The following ABCD4 variants were observed in gnomAD, a reference collection of about 807,000 sequenced individuals.
The protein encoded by ABCD4 is ATP binding cassette subfamily D member 4, also known as lysosomal cobalamin transporter ABCD4.
A neutral mutation model predicts 86.3 loss-of-function variants in ABCD4; 53 were observed. The ratio of observed to expected loss-of-function variants is 0.61; its 90% confidence interval spans 0.49 to 0.77. The LOEUF is 0.77. ABCD4 is among the 30% of genes least tolerant of loss of function. The pLI, the probability that ABCD4 is intolerant of heterozygous loss-of-function variation, is 0.00. For synonymous variants in ABCD4, 328 were observed against 313.6 expected, an observed-to-expected ratio of 1.05 and a Z score of -0.49; for missense variants, 757 against 764.5, an observed-to-expected ratio of 0.99 and a Z score of 0.12.
Position 74,285,568 on chromosome 14 carries a change from A to C in ABCD4, c.*893T>G, listed in dbSNP as rs181479225. On this transcript the variant is annotated 3_prime_UTR_variant, in exon 19 of 19. Transcript: ENST00000356924. ...GAAGTACAGAAGCCTGGCAAAAATT[A>C]TGAAGGTAAGGAAGGTAATACATAG... The C allele has an allele frequency of 1.3e-4, 20 of 152,358 alleles. No homozygotes were observed. Among genetic ancestry groups the C allele is most frequent in the African/African-American group, 4.6e-4 (19 of 41,588 alleles). 9.4% of individuals were successfully genotyped at this position (152,358 alleles called of 1,614,324 possible).
chr14:74,299,493 A>C, intron 3 of ABCD4, 55 bp downstream of exon 3: 1 of 1,601,368 alleles, frequency 6.2e-7, no homozygotes, highest in Non-Finnish European at 8.5e-7. Flanking sequence ...ACTAGGCATT[A>C]CGGTCACACT....
intron 1 of ABCD4, among the ~76,000 whole-genome samples, chr14:74,301,387 T>C (rs1181578581): frequency 6.6e-6 from 1 of 152,096 alleles, no homozygotes; most frequent in Non-Finnish European, 1.5e-5. Flanking sequence ...CTTGAACTCC[T>C]GGACTCCAGT....
chr14:74,296,208 T>C, intron 5 of ABCD4, 125 bp downstream of exon 5: 1 of 1,129,914 alleles, frequency 8.9e-7, no homozygotes, highest in Non-Finnish European at 1.3e-6. Context: ...GCACGTGGGA[T>C]GGGTGAGCAC....
rs770164744 is a variant in ABCD4, at chr14:74,297,938, G to A, written c.417C>T (p.Ile139=). 19 of 1,613,140 alleles carry A rather than the reference G, an allele frequency of 1.2e-5. No homozygotes were observed. Among genetic ancestry groups the A allele is most frequent in the South Asian group, 2.2e-5 (2 of 90,998 alleles). The change falls in exon 4 of 19, where the codon ATC becomes ATT. Residue 139 remains isoleucine (I), a synonymous_variant. Coordinates refer to ENST00000356924, the MANE Select transcript of ABCD4 (RefSeq NM_005050.4). ...YYTLNVLRDD[I]DNPDQRISQD... is the part of the protein sequence containing the mutation. Reference sequence around the variant, plus strand: ...TGAGTTGGGGCGCCTACGGGTTATCGATGTCATCCCGCAGCACGTTGAGGG... The same window carrying A: ...TGAGTTGGGGCGCCTACGGGTTATCAATGTCATCCCGCAGCACGTTGAGGG...
intron 14 of ABCD4, 102 bp from the exon 15 acceptor site, chr14:74,288,867 A>G: frequency 2.1e-6 from 3 of 1,415,142 alleles, no homozygotes; most frequent in African/African-American, 1.4e-5. Flanking sequence ...TAATCCCAAC[A>G]CTTTGGGAGG....
chr14:74,286,923 A>G, intron 17 of ABCD4, 107 bp from the exon 18 acceptor site: 1 of 1,049,046 alleles, frequency 9.5e-7, no homozygotes, highest in Non-Finnish European at 1.4e-6. Context: ...GGAGGCTGAA[A>G]GCTGCTCTGG....
intron 3 of ABCD4, 99 bp downstream of exon 3, chr14:74,299,448 AC>A (rs2083734982): frequency 6.8e-7 from 1 of 1,470,564 alleles, no homozygotes; most frequent in East Asian, 2.3e-5. Flanking sequence ...ACACACCCCC[AC>A]AGCTTGCTTC....
At chr14:74,300,338 C>A in intron 1 of ABCD4, 70 bp from the exon 2 acceptor site, 1 of 1,004,206 alleles carries the variant, frequency 1.0e-6, no homozygotes, top group Non-Finnish European at 1.6e-6. Flanking sequence ...AGTTATTAAG[C>A]TCATCCACAT....
Position 74,293,499 on chromosome 14 carries a change from G to A in ABCD4, c.720-251C>T, listed in dbSNP as rs74637421. On this transcript the variant is annotated intron_variant, in intron 7 of 18. Coordinates refer to ENST00000356924, the MANE Select transcript of ABCD4 (RefSeq NM_005050.4). ...CTGGCTCTGGCCAGTTACTAGCTGC[G>A]TGACACAGGCAGGCTACTTAAGCCT... 1,656 of 388,362 alleles carry A rather than the reference G, an allele frequency of 4.3e-3. 26 individuals carry two copies. The highest frequency in any genetic ancestry group is 0.031 in the African/African-American group (1,500 of 48,868). The allele number at this position is 388,362 out of a possible 1,614,324, so 24.1% of individuals were successfully genotyped here. A position where few individuals can be genotyped will look rare whatever the true frequency, so the allele number is the denominator to read the frequency against.
chr14:74,286,369 A>G lies in ABCD4; in HGVS notation c.*92T>C, dbSNP rs1374598337. The G allele has an allele frequency of 7.1e-7, 1 of 1,415,790 alleles. No homozygotes were observed. The allele number at this position is 1,415,790 out of a possible 1,614,324, so 87.7% of individuals were successfully genotyped here. A position where few individuals can be genotyped will look rare whatever the true frequency, so the allele number is the denominator to read the frequency against. ...CTCCTGCACGGGATCTATGTGGCGA[A>G]CCTGAGCTCGATCTTCGCTGTCAGT... On this transcript the variant is annotated 3_prime_UTR_variant, in exon 19 of 19. Transcript: ENST00000356924.
Position 74,292,880 on chromosome 14 carries a change from C to T in ABCD4, c.815-11G>A, listed in dbSNP as rs747743062. ...AGGTGTTGATGCCGACTGTAGAAAA[C>T]ACATCTGTGAGACACCCAGGAACCA... On this transcript the variant is annotated splice_polypyrimidine_tract_variant and intron_variant, in intron 8 of 18. Transcript: ENST00000356924. 5.6e-6 allele frequency: 9 copies of T among 1,614,132 alleles called. No individual in the cohort carries two copies. The highest frequency in any genetic ancestry group is 7.6e-6 in the Non-Finnish European group (9 of 1,180,018).
Position 74,292,629 on chromosome 14 carries a change from C to T in ABCD4, c.950G>A (p.Cys317Tyr). 2 of 1,613,920 alleles carry T rather than the reference C, an allele frequency of 1.2e-6. No homozygotes were observed. ...STLVSKNAFV[C>Y]IYLISCFTQL... ...GGTGAAGCAGCTGATGAGGTAGATG[C>T]ACACAAAGGCATTCTGGACAGGATG... Residue 317 changes from cysteine (C) to tyrosine (Y), a missense_variant, in exon 10 of 19, where the codon TGC (cysteine) becomes TAC (tyrosine). Transcript: ENST00000356924.
chr14:74,290,696 T>TC (rs2139842295), intron 11 of ABCD4, among the ~76,000 whole-genome samples, 197 bp from the exon 12 acceptor site: 1 of 148,784 alleles, frequency 6.7e-6, no homozygotes, highest in African/African-American at 2.5e-5. Flanking sequence ...TTTTTTTTTT[T>TC]TTTTTTTTGA....
intron 17 of ABCD4, among the ~76,000 whole-genome samples, chr14:74,287,463 A>T (rs1231243058): frequency 1.3e-5 from 2 of 149,150 alleles, no homozygotes; most frequent in Non-Finnish European, 1.5e-5. Flanking sequence ...CTGAGGTGGG[A>T]GGATCACTTA....
Position 74,290,464 on chromosome 14 carries a change from G to C in ABCD4, c.1154C>G (p.Thr385Arg). ...PGWPAAEPAD[T>R]AFLLERVSIS... ...GGAGACCCGCTCAAGGAGAAATGCT[G>C]TGTCTGCTGGCTCTGCCGCTGGCCA... The change falls in exon 12 of 19, where the codon ACA becomes AGA. Residue 385 changes from threonine (T) to arginine (R), a missense_variant. By Grantham distance (71) the Thr-to-Arg change is moderately conservative (BLOSUM62 -1). Transcript: ENST00000356924. 2 of 1,613,990 alleles carry C rather than the reference G, an allele frequency of 1.2e-6. No homozygotes were observed. The highest frequency in any genetic ancestry group is 1.7e-6 in the Non-Finnish European group (2 of 1,180,032).
chr14:74,287,531 G>A (rs1372301110), intron 17 of ABCD4, among the ~76,000 whole-genome samples: 2 of 114,970 alleles, frequency 1.7e-5, no homozygotes, highest in Non-Finnish European at 3.9e-5. Context: ...CCCAGCCTGG[G>A]TGACAGAGTG....
rs1300951382 is a variant in ABCD4, at chr14:74,295,931, C to A, written c.591G>T (p.Gly197=). Residue 197 remains glycine, a synonymous_variant, in exon 6 of 19, where the codon GGG becomes GGT. Transcript: ENST00000356924. ...CCATCAAAGTTTTGTTCACCACGGT[C>A]CCCAGGATGAAATACCCGAAGATGC... ...PVSIFGYFIL[G]TVVNKTLMGP... 2 of 1,612,314 alleles carry A rather than the reference C, an allele frequency of 1.2e-6. No homozygotes were observed. Among genetic ancestry groups the A allele is most frequent in the African/African-American group, 2.7e-5 (2 of 74,764 alleles).
rs935959840 is a variant in ABCD4 at position 74,286,063 on chromosome 14, A to T, written c.*398T>A. The T allele has an allele frequency of 6.3e-6, 1 of 159,232 alleles. No individual in the cohort carries two copies. The highest frequency in any genetic ancestry group is 2.4e-5 in the African/African-American group (1 of 41,730). The allele number at this position is 159,232 out of a possible 1,614,324, so 9.9% of individuals were successfully genotyped here. On this transcript the variant is annotated 3_prime_UTR_variant, in exon 19 of 19. Coordinates refer to ENST00000356924, the MANE Select transcript of ABCD4 (RefSeq NM_005050.4). ...ACTTAAATGGTCAGTTAAAGTTAAA[A>T]ATCTATTGCTGCACAATTTAACTGA...
chr14:74,293,568 C>A, intron 7 of ABCD4: 1 of 242,730 alleles, frequency 4.1e-6, no homozygotes, highest in Non-Finnish European at 7.9e-6. Flanking sequence ...GCCAATAATA[C>A]CTATGTAATA....
Sources: gnomAD v4.1 joint callset for allele counts (sites outside exome capture counted in the v4.1 genomes callset) on GRCh38, gnomAD v4.1.1 for gene constraint, MANE v1.5 for transcripts, NCBI Gene and HGNC (gene_info 2026-07-23, HGNC 2026-07-21) for gene names.